The following EPRS1 variants were observed in gnomAD, a reference collection of about 807,000 sequenced individuals.
The protein encoded by EPRS1 is glutamyl-prolyl-tRNA synthetase 1.
EPRS1 carries 107 observed loss-of-function variants against 188.3 expected under a neutral mutation model. The ratio of observed to expected loss-of-function variants is 0.57; its 90% CI spans 0.49 to 0.67. EPRS1 has a LOEUF of 0.67. EPRS1 is among the 30% of genes least tolerant of loss of function. The pLI is 0.00. For synonymous variants in EPRS1, 596 were observed against 593.1 expected, an observed-to-expected ratio of 1.00 and a Z score of -0.07; for missense variants, 1,577 against 1,802.2, an observed-to-expected ratio of 0.88 and a Z score of 2.26.
chr1:220,020,585 T>C (rs1246260627), intron 9 of EPRS1, among the ~76,000 whole-genome samples: 1 of 151,122 alleles, frequency 6.6e-6, no homozygotes, highest in African/African-American at 2.4e-5. Flanking sequence ...TTGAACATCT[T>C]TTTTTTTGAG....
intron 2 of EPRS1, among the ~76,000 whole-genome samples, chr1:220,039,052 A>T (rs1030274490): frequency 6.6e-6 from 1 of 152,186 alleles, no homozygotes; most frequent in Non-Finnish European, 1.5e-5. Flanking sequence ...TGATGGGGGA[A>T]GTGGGCATGT....
chr1:220,022,413 C>T lies in EPRS1; in HGVS notation c.1049G>A (p.Cys350Tyr). 3.7e-6 allele frequency: 6 copies of T among 1,614,072 alleles called. No individual in the cohort carries two copies. Among genetic ancestry groups the T allele is most frequent in the Non-Finnish European group, 5.1e-6 (6 of 1,179,924 alleles). The change falls in exon 9 of 32, where the codon TGC becomes TAC. Residue 350 changes from cysteine (C) to tyrosine (Y), a missense_variant. Around this residue, in one of 3 missense-constraint regions of EPRS1, gnomAD observed 1,278 missense variants for 1,457.4 expected, o/e 0.88. Coordinates refer to ENST00000366923, the MANE Select transcript of EPRS1 (RefSeq NM_004446.3). ...GCGATAAAGGGTTGGATCTCTCATG[C>T]ATCCATTGTTACTACTCATGTCAAT... ...AKIDMSSNNG[C>Y]MRDPTLYRCK...
intron 29 of EPRS1, 21 bp downstream of exon 29, chr1:219,973,217 T>C: frequency 1.2e-6 from 2 of 1,604,926 alleles, no homozygotes; most frequent in East Asian, 2.2e-5. Context: ...GAGAGAGACA[T>C]AAGCAATTTT....
chr1:219,973,953 T>C (rs970811114), intron 28 of EPRS1, among the ~76,000 whole-genome samples: 1 of 152,122 alleles, frequency 6.6e-6, no homozygotes, highest in Admixed American at 6.5e-5. Flanking sequence ...TTGTTTTTTT[T>C]TGTTTGTTTG....
Position 220,001,231 on chromosome 1 carries a change from C to T in EPRS1, c.2088G>A (p.Pro696=), listed in dbSNP as rs145416177. ...CATCAGGAATGTATATCAAAACACA[C>T]GGGGCTTCCTTGCAACTATATGGGC... ...PVSPYSCKEA[P]CVLIYIPDGH... Residue 696 remains proline, a synonymous_variant, in exon 17 of 32, where the codon CCG becomes CCA. Transcript: ENST00000366923. 108 of 1,612,552 alleles carry T rather than the reference C, an allele frequency of 6.7e-5. No individual in the cohort carries two copies. The highest frequency in any genetic ancestry group is 1.6e-4 in the Middle Eastern group (1 of 6,062).
At chr1:220,001,064 G>T in intron 17 of EPRS1, 74 bp downstream of exon 17, 1 of 855,270 alleles carries the variant, frequency 1.2e-6, no homozygotes, top group Non-Finnish European at 2.0e-6. Context: ...ATAATCATCT[G>T]TAAAGAAATA....
chr1:220,036,214 A>G (rs2102598539), intron 2 of EPRS1, among the ~76,000 whole-genome samples: 1 of 152,302 alleles, frequency 6.6e-6, no homozygotes, highest in African/African-American at 2.4e-5. Context: ...CAAAAAACAA[A>G]AAACCACACA....
In EPRS1 at chr1:219,981,450, A is replaced by T. The variant is rs763649756; in HGVS notation, c.3381T>A (p.Tyr1127Ter). 6.3e-7 allele frequency: 1 copy of T among 1,592,688 alleles called. No individual in the cohort carries two copies. ...AIRPTSETVM[Y>*]PAYAKWVQSH... The stretch of plus-strand genomic sequence containing the variant: ...ACTGTACCCATTTTGCATATGCAGG[A>T]TACATTACTGAAAGACACGGGAAAA... The change falls in exon 24 of 32, where the codon TAT (tyrosine) becomes TAA (stop). Residue 1127 changes from tyrosine to a stop codon, truncating the protein, a stop_gained. Transcript: ENST00000366923. LOFTEE classifies it high-confidence loss of function.
At chr1:220,044,023 A>G (rs1466145307) in intron 1 of EPRS1, among the ~76,000 whole-genome samples, 1 of 152,134 alleles carries the variant, frequency 6.6e-6, no homozygotes, top group African/African-American at 2.4e-5. Context: ...GGAGTTTCCA[A>G]GTTTGTTGGG....
chr1:220,029,518 G>A (rs967086912), intron 6 of EPRS1, among the ~76,000 whole-genome samples: 9 of 152,270 alleles, frequency 5.9e-5, no homozygotes, highest in African/African-American at 1.4e-4. Flanking sequence ...TTTCTACTGT[G>A]TACTATAGAA....
At chr1:220,028,467 G>GCACACA (rs10570178) in intron 6 of EPRS1, among the ~76,000 whole-genome samples, 5 of 151,094 alleles carry the variant, frequency 3.3e-5, no homozygotes, top group Non-Finnish European at 7.4e-5. Context: ...ACACACACGC[G>GCACACA]CACACACACA....
Position 219,978,544 on chromosome 1 carries a change from A to G in EPRS1, c.4083+2T>C. ...GGTAAAAGATAAAGCTTAGGAATTT[A>G]CCTTGAGCTCCCAGTGATTGAATTT... On this transcript the variant is annotated splice_donor_variant, in intron 28 of 31. Coordinates refer to ENST00000366923, the MANE Select transcript of EPRS1 (RefSeq NM_004446.3). LOFTEE classifies it high-confidence loss of function. 1 of 1,560,710 alleles carries G rather than the reference A, an allele frequency of 6.4e-7. No homozygotes were observed. Among genetic ancestry groups the G allele is most frequent in the Non-Finnish European group, 8.7e-7 (1 of 1,148,026 alleles).
rs770253160 is a variant in EPRS1 at position 220,020,095 on chromosome 1, G to A, written c.1242C>T (p.Gly414=). 6.2e-7 allele frequency: 1 copy of A among 1,613,770 alleles called. No homozygotes were observed. The highest frequency in any genetic ancestry group is 8.5e-7 in the Non-Finnish European group (1 of 1,179,766). ...EQFYWIIEAL[G]IRKPYIWEYS... ...ATTCCCAAATATATGGTTTTCTTATGCCTAAAGCTTCAATAATCCAGTAAA... is the reference window on the plus strand; with the variant it reads ...ATTCCCAAATATATGGTTTTCTTATACCTAAAGCTTCAATAATCCAGTAAA... The change falls in exon 10 of 32, where the codon GGC becomes GGT. Residue 414 remains glycine, a synonymous_variant. Transcript: ENST00000366923.
At chr1:220,005,966 G>A (rs563324077) in intron 15 of EPRS1, 140 bp downstream of exon 15, 28 of 475,538 alleles carry the variant, frequency 5.9e-5, no homozygotes, top group African/African-American at 1.6e-4. Context: ...CACCATGCTC[G>A]GCCAACTTAC....
Position 220,005,873 on chromosome 1 carries a change from T to C in EPRS1, c.1950+233A>G, listed in dbSNP as rs541138719. Among the ~76,000 whole-genome samples the C allele has an allele frequency of 3.2e-3, 384 of 121,622 alleles. 5 individuals carry two copies. The Admixed American group carries it at 0.04, about 13-fold the overall frequency. 79.8% of individuals were successfully genotyped at this position (121,622 alleles called of 152,430 possible). ...TTTGTAGAGACGGGGTTTCACCATG[T>C]TGCCCAGGCTGGTCTTGAACTCCTG... On this transcript the variant is annotated intron_variant, in intron 15 of 31. Coordinates refer to ENST00000366923, the MANE Select transcript of EPRS1 (RefSeq NM_004446.3).
intron 12 of EPRS1, among the ~76,000 whole-genome samples, chr1:220,016,451 C>A (rs1334057767): frequency 6.6e-6 from 1 of 151,478 alleles, no homozygotes; most frequent in Admixed American, 6.6e-5. Flanking sequence ...CACCCTGTCA[C>A]CCAGGCTGGA....
rs111950636 is a variant in EPRS1, at chr1:220,006,808, T to A, written c.1742+394A>T. ...GTAGCACACTATAGTAACTAGAAAGTCAAATTAATTATTAACCAATCAGTT... is the reference window on the plus strand; with the variant it reads ...GTAGCACACTATAGTAACTAGAAAGACAAATTAATTATTAACCAATCAGTT... On this transcript the variant is annotated intron_variant, in intron 14 of 31. Coordinates refer to ENST00000366923, the MANE Select transcript of EPRS1 (RefSeq NM_004446.3). 5.3e-3 allele frequency among the ~76,000 whole-genome samples: 811 copies of A among 152,320 alleles called. 7 individuals are homozygous for A. The highest frequency in any genetic ancestry group is 0.019 in the African/African-American group (787 of 41,576).
At chr1:220,006,394 ATAT>A (rs995341316) in intron 14 of EPRS1, 81 bp from the exon 15 acceptor site, 9 of 392,986 alleles carry the variant, frequency 2.3e-5, no homozygotes, top group African/African-American at 4.2e-5. Context: ...TAATAATTTT[ATAT>A]TATTATAAAA....
At chr1:220,007,692 A>T (rs1661518098) in intron 13 of EPRS1, among the ~76,000 whole-genome samples, 1 of 152,154 alleles carries the variant, frequency 6.6e-6, no homozygotes, top group African/African-American at 2.4e-5. Flanking sequence ...AGCCTACAAG[A>T]CTCATTGATT....
Sources: gnomAD v4.1 joint callset for allele counts (sites outside exome capture counted in the v4.1 genomes callset) on GRCh38, gnomAD v4.1.1 for gene constraint, gnomAD v4.1.1 regional missense constraint, MANE v1.5 for transcripts, NCBI Gene and HGNC (gene_info 2026-07-23, HGNC 2026-07-21) for gene names.